The following DHX57 variants were observed in gnomAD, a reference collection of about 807,000 sequenced individuals.
DHX57 encodes the protein DExH-box helicase 57, also known as putative ATP-dependent RNA helicase DHX57.
In DHX57, 105 loss-of-function variants were observed where a neutral mutation model predicts 156.2. That is an observed-to-expected ratio of 0.67 (90% CI 0.57 to 0.79). The LOEUF (loss-of-function observed/expected upper bound fraction) is 0.79, where lower values mean the gene tolerates loss of function less well. DHX57 is among the 30% of genes least tolerant of loss of function. The pLI is 0.00. For missense variants in DHX57, 1,847 were observed against 1,661.9 expected (o/e 1.11, Z -1.94); for synonymous variants, 704 against 595.6 (o/e 1.18, Z -2.65).
chr2:38,866,438 T>C (rs1413894417), intron 2 of DHX57, among the ~76,000 whole-genome samples: 1 of 152,238 alleles, frequency 6.6e-6, no homozygotes, highest in Non-Finnish European at 1.5e-5. Flanking sequence ...CTTGCCTCTC[T>C]TCACGTGATA....
intron 13 of DHX57, among the ~76,000 whole-genome samples, chr2:38,834,942 C>T (rs778986619): frequency 5.3e-5 from 8 of 152,072 alleles, no homozygotes; most frequent in Non-Finnish European, 8.8e-5. Context: ...TAAGGCATAC[C>T]TGTATGAGTC....
intron 23 of DHX57, among the ~76,000 whole-genome samples, chr2:38,800,477 A>C (rs969067318): frequency 6.6e-6 from 1 of 152,204 alleles, no homozygotes; most frequent in Non-Finnish European, 1.5e-5. Flanking sequence ...ACATCTTCCC[A>C]GCATCTGTTT....
chr2:38,854,155 G>A lies in DHX57; in HGVS notation c.1929C>T (p.Tyr643=). The A allele has an allele frequency of 6.2e-7, 1 of 1,613,890 alleles. No individual in the cohort carries two copies. ...TTCTCAGCAGCACTCCCGTGGTGCA[G>A]TATAACAGTCTGGTGGCTGAGGACT... The part of the protein sequence containing the change: ...SVKSSATRLL[Y]CTTGVLLRRL... The change falls in exon 9 of 24, where the codon TAC becomes TAT. Residue 643 remains tyrosine, a synonymous_variant. Coordinates refer to ENST00000457308, the MANE Select transcript of DHX57 (RefSeq NM_198963.3).
intron 22 of DHX57, among the ~76,000 whole-genome samples, chr2:38,804,029 G>A (rs997138004): frequency 9.9e-5 from 15 of 152,194 alleles, no homozygotes; most frequent in Admixed American, 2.0e-4. Flanking sequence ...TCATCCGCCC[G>A]CCTCGGCCTT....
Position 38,806,790 on chromosome 2 carries a change from C to G in DHX57, c.3682-97G>C, listed in dbSNP as rs543415671. The G allele has an allele frequency of 1.0e-4, 127 of 1,236,856 alleles. 1 individual carries two copies. The South Asian group carries it at 1.9e-3, about 18-fold the overall frequency. The allele number at this position is 1,236,856 out of a possible 1,614,324, so 76.6% of individuals were successfully genotyped here. A position where few individuals can be genotyped will look rare whatever the true frequency, so the allele number is the denominator to read the frequency against. On this transcript the variant is annotated intron_variant, in intron 21 of 23. Transcript: ENST00000457308. ...AAGCACAAAACCAGTCTTGCTCAGT[C>G]TTGCTTGAATAGCTTTCCTGTTTGT...
At chr2:38,858,895 A>T in intron 5 of DHX57, 59 bp from the exon 6 acceptor site, 1 of 1,531,822 alleles carries the variant, frequency 6.5e-7, no homozygotes, top group Non-Finnish European at 8.8e-7. Context: ...CAAAAGGGGA[A>T]AGTCGCTGTC....
intron 21 of DHX57, chr2:38,811,451 G>A (rs557431194): frequency 2.6e-5 from 16 of 625,504 alleles, no homozygotes; most frequent in African/African-American, 5.5e-5. Context: ...ACTCCTCCAC[G>A]AACTCCTTGC....
At chr2:38,807,388 C>T (rs1164615041) in intron 21 of DHX57, among the ~76,000 whole-genome samples, 1 of 151,912 alleles carries the variant, frequency 6.6e-6, no homozygotes, top group Non-Finnish European at 1.5e-5. Flanking sequence ...GACGTAGTCT[C>T]CCTCCGTTGC....
chr2:38,853,916 C>T (rs1368860026), intron 9 of DHX57, 138 bp downstream of exon 9: 8 of 782,598 alleles, frequency 1.0e-5, no homozygotes, highest in Non-Finnish European at 1.6e-5. Flanking sequence ...AGCAGTTGCT[C>T]TTCTCTAACA....
intron 23 of DHX57, among the ~76,000 whole-genome samples, chr2:38,801,207 G>C (rs1315787132): frequency 1.3e-5 from 2 of 152,074 alleles, no homozygotes; most frequent in Non-Finnish European, 2.9e-5. Flanking sequence ...TGTAACATAA[G>C]AATTCTAACA....
chr2:38,863,549 A>G, intron 2 of DHX57, 30 bp from the exon 3 acceptor site: 2 of 1,600,832 alleles, frequency 1.2e-6, no homozygotes, highest in Non-Finnish European at 8.5e-7. Flanking sequence ...AAAATTACAC[A>G]CATATCTTCA....
In DHX57 at chr2:38,875,923, C is replaced by G. The variant is rs2124963262; in HGVS notation, c.-143G>C. The G allele has an allele frequency of 2.5e-6, 1 of 397,058 alleles. No homozygotes were observed. Among genetic ancestry groups the G allele is most frequent in the South Asian group, 1.4e-4 (1 of 7,134 alleles). 24.6% of individuals were successfully genotyped at this position (397,058 alleles called of 1,614,324 possible). A position where few individuals can be genotyped will look rare whatever the true frequency, so the allele number is the denominator to read the frequency against. ...GTGGCCCAGCTGCAGCGGCACAGTCCCGGCGCCTTCTGATTGGCTCAGCTA... is the reference window on the plus strand; with the variant it reads ...GTGGCCCAGCTGCAGCGGCACAGTCGCGGCGCCTTCTGATTGGCTCAGCTA... On this transcript the variant is annotated 5_prime_UTR_variant, in exon 1 of 24. Coordinates refer to ENST00000457308, the MANE Select transcript of DHX57 (RefSeq NM_198963.3).
At chr2:38,808,772 A>G (rs1299954372) in intron 21 of DHX57, among the ~76,000 whole-genome samples, 1 of 152,148 alleles carries the variant, frequency 6.6e-6, no homozygotes, top group Non-Finnish European at 1.5e-5. Flanking sequence ...CATTATTATC[A>G]AACAACTATT....
At chr2:38,823,633 G>C (rs917722518) in intron 16 of DHX57, among the ~76,000 whole-genome samples, 1 of 152,104 alleles carries the variant, frequency 6.6e-6, no homozygotes, top group African/African-American at 2.4e-5. Flanking sequence ...ACAGGATAGA[G>C]ATTCCTCAAA....
Position 38,798,340 on chromosome 2 carries a change from G to A in DHX57, c.4120C>T (p.Arg1374Trp), listed in dbSNP as rs745470225. ...IDLCTCPRGSRIISTIVKLVT... is the reference protein window; with the variant it reads ...IDLCTCPRGSWIISTIVKLVT... ...AGTTTCACAATTGTGCTGATGATCCGGGATCCTCGAGGACACGTACACAGA... is the reference window on the plus strand; with the variant it reads ...AGTTTCACAATTGTGCTGATGATCCAGGATCCTCGAGGACACGTACACAGA... Residue 1374 changes from arginine (R) to tryptophan (W), a missense_variant, in exon 24 of 24, where the codon CGG becomes TGG. By Grantham distance (101) the Arg-to-Trp change is moderately radical. Transcript: ENST00000457308. 10 of 1,613,682 alleles carry A rather than the reference G, an allele frequency of 6.2e-6. No individual in the cohort carries two copies. Among genetic ancestry groups the A allele is most frequent in the South Asian group, 2.2e-5 (2 of 90,994 alleles).
At chr2:38,842,462 C>G (rs983166352) in intron 12 of DHX57, among the ~76,000 whole-genome samples, 2 of 152,078 alleles carry the variant, frequency 1.3e-5, no homozygotes, top group African/African-American at 2.4e-5. Context: ...ATTTTGATCA[C>G]TGTACTGTGG....
chr2:38,818,880 C>A lies in DHX57; in HGVS notation c.3468G>T (p.Leu1156=), dbSNP rs756851006. 6.2e-7 allele frequency: 1 copy of A among 1,614,180 alleles called. No homozygotes were observed. Among genetic ancestry groups the A allele is most frequent in the African/African-American group, 1.3e-5 (1 of 75,070 alleles). ...CRQNFLSGRV[L]QEMASLKRQF... is the part of the protein sequence containing the mutation. ...AAAAGCCACAGACACAACTCACCTGCAGAACTCTTCCAGACAAGAAGTTTT... is the reference window on the plus strand; with the variant it reads ...AAAAGCCACAGACACAACTCACCTGAAGAACTCTTCCAGACAAGAAGTTTT... The change falls in exon 19 of 24, where the codon CTG becomes CTT. Residue 1156 remains leucine, a synonymous_variant. Transcript: ENST00000457308.
intron 23 of DHX57, among the ~76,000 whole-genome samples, chr2:38,798,683 C>A (rs566692609): frequency 6.6e-6 from 1 of 152,190 alleles, no homozygotes; most frequent in Non-Finnish European, 1.5e-5. Context: ...CAGTGGCTCA[C>A]GCCTGTAATC....
At position 38,823,000 on chromosome 2, in the gene DHX57, G is replaced by A. The variant is rs980802459; in HGVS notation, c.3284C>T (p.Ser1095Phe). The A allele has an allele frequency of 1.5e-5, 24 of 1,613,838 alleles. No individual in the cohort carries two copies. Among genetic ancestry groups the A allele is most frequent in the Non-Finnish European group, 1.9e-5 (23 of 1,179,886 alleles). The change falls in exon 17 of 24, where the codon TCT becomes TTT. Residue 1095 changes from serine to phenylalanine, a missense_variant. Ser to Phe is a radical substitution (Grantham distance 155). Transcript: ENST00000457308. ...TGAATGTTGTTTACTTACAAACGGA[G>A]ACTTAAAAGCCAAACTGGCAGCAAT... ...LTIAASLAFK[S>F]PFVSPWDKKE... is the part of the protein sequence containing the mutation.
Sources: allele counts gnomAD v4.1 joint callset (sites outside exome capture counted in the v4.1 genomes callset), GRCh38; gene constraint gnomAD v4.1.1; transcripts MANE v1.5; gene names NCBI Gene and HGNC (gene_info 2026-07-23, HGNC 2026-07-21).